The following XKR6 variants were observed in gnomAD, a reference collection of about 807,000 sequenced individuals.
The protein encoded by XKR6 is XK related 6, also known as XK-related protein 6.
XKR6 carries 22 observed loss-of-function variants against 56.7 expected under a neutral mutation model. The ratio of observed to expected loss-of-function variants is 0.39; its 90% CI spans 0.28 to 0.55. The LOEUF is 0.55. XKR6 is among the 20% of genes least tolerant of loss of function. The pLI is 0.66. For synonymous variants in XKR6, 524 were observed against 387.8 expected (o/e 1.35, Z -4.13); for missense variants, 852 against 889.0 (o/e 0.96, Z 0.53).
At chr8:11,101,297 C>A (rs1287330032) in intron 1 of XKR6, among the ~76,000 whole-genome samples, 2 of 152,122 alleles carry the variant, frequency 1.3e-5, no homozygotes, top group African/African-American at 4.8e-5. Flanking sequence ...GGACTTCCAG[C>A]AAGAGGGAGC....
At chr8:11,191,748 T>C (rs1585039305) in intron 1 of XKR6, among the ~76,000 whole-genome samples, 1 of 143,720 alleles carries the variant, frequency 7.0e-6, no homozygotes, top group Non-Finnish European at 1.5e-5. Flanking sequence ...GAAACAGCAA[T>C]ATAATTCATA....
chr8:10,981,947 T>C (rs1200138700), intron 1 of XKR6, among the ~76,000 whole-genome samples: 1 of 152,236 alleles, frequency 6.6e-6, no homozygotes, highest in Admixed American at 6.5e-5. Context: ...ATTAAGGCTA[T>C]TCACAATTCC....
At chr8:10,992,873 A>C (rs1798024564) in intron 1 of XKR6, among the ~76,000 whole-genome samples, 1 of 152,186 alleles carries the variant, frequency 6.6e-6, no homozygotes, top group South Asian at 2.1e-4. Flanking sequence ...CCATGATCTC[A>C]CGAAGTTCCC....
intron 1 of XKR6, among the ~76,000 whole-genome samples, chr8:10,999,190 G>A (rs1159551293): frequency 6.6e-6 from 1 of 152,176 alleles, no homozygotes; most frequent in East Asian, 1.9e-4. Context: ...GTGTGTGAAG[G>A]GCTCAATCGT....
intron 1 of XKR6, among the ~76,000 whole-genome samples, chr8:11,142,350 G>T (rs991962771): frequency 6.6e-6 from 1 of 152,160 alleles, no homozygotes; most frequent in Non-Finnish European, 1.5e-5. Flanking sequence ...GGCTTGTAAG[G>T]TCTGATCAAA....
Position 11,175,459 on chromosome 8 carries a change from G to A in XKR6, c.764+25117C>T, listed in dbSNP as rs575597623. On this transcript the variant is annotated intron_variant, in intron 1 of 2. Coordinates refer to ENST00000416569, the MANE Select transcript of XKR6 (RefSeq NM_173683.4). Reference sequence around the variant, plus strand: ...ACGTGGGCTCTCCCAGCCACATCGAGATGATTCTTACTGAAAAGGAACAAA... The same window carrying A: ...ACGTGGGCTCTCCCAGCCACATCGAAATGATTCTTACTGAAAAGGAACAAA... 16 of 161,182 alleles carry A rather than the reference G, an allele frequency of 9.9e-5. No individual in the cohort carries two copies. In the South Asian group the frequency reaches 2.8e-3, roughly 28 times the overall value. The allele number at this position is 161,182 out of a possible 1,614,324, so 10.0% of individuals were successfully genotyped here.
At chr8:11,082,728 C>T (rs1797765035) in intron 1 of XKR6, among the ~76,000 whole-genome samples, 1 of 152,186 alleles carries the variant, frequency 6.6e-6, no homozygotes, top group Non-Finnish European at 1.5e-5. Context: ...TTAACTGGGA[C>T]ACAGCTCAGG....
Position 11,201,303 on chromosome 8 carries a change from C to T in XKR6, c.37G>A (p.Gly13Ser), listed in dbSNP as rs762170034. The change falls in exon 1 of 3, where the codon GGC becomes AGC. Residue 13 changes from glycine to serine, a missense_variant. Coordinates refer to ENST00000416569, the MANE Select transcript of XKR6 (RefSeq NM_173683.4). ...TCCAGGTTGTGCAGCTGAGCGAAGC[C>T]CACCCCCACGCCACCGCCATCGGAT... ...AKSDGGGVGV[G>S]FAQLHNLDEA... 6.3e-7 allele frequency: 1 copy of T among 1,581,766 alleles called. No individual in the cohort carries two copies. Among genetic ancestry groups the T allele is most frequent in the Non-Finnish European group, 8.5e-7 (1 of 1,173,768 alleles).
chr8:11,044,924 C>G (rs1159514027), intron 1 of XKR6, among the ~76,000 whole-genome samples: 1 of 151,956 alleles, frequency 6.6e-6, no homozygotes, highest in African/African-American at 2.4e-5. Context: ...AGCCAATTTT[C>G]TCATTTTACA....
chr8:11,122,742 A>G (rs1396436667), intron 1 of XKR6, among the ~76,000 whole-genome samples: 1 of 152,184 alleles, frequency 6.6e-6, no homozygotes, highest in Non-Finnish European at 1.5e-5. Flanking sequence ...TCAATCTGTT[A>G]GCATCTCATT....
At chr8:10,949,595 T>G (rs4841463) in intron 1 of XKR6, among the ~76,000 whole-genome samples, 13,087 of 152,242 alleles carry the variant, frequency 0.086, 617 homozygotes, top group Middle Eastern at 0.15. Context: ...GCTAGCGGGG[T>G]ACACCGTTAG....
At position 11,200,911 on chromosome 8, in the gene XKR6, C is replaced by G; in HGVS notation, c.429G>C (p.Val143=). 1.9e-6 allele frequency: 3 copies of G among 1,609,462 alleles called. No homozygotes were observed. Among genetic ancestry groups the G allele is most frequent in the South Asian group, 1.1e-5 (1 of 90,946 alleles). Residue 143 remains valine (V), a synonymous_variant, in exon 1 of 3, where the codon GTG becomes GTC. Transcript: ENST00000416569. This position sits in a 1 kb window ranked among gnomAD's most constrained non-coding sequence, Gnocchi z 6.4. Reference sequence around the variant, plus strand: ...CGAGGGCCAGCCACAGGTCGGTGCCCACGTCCCCGAAGAACACCAGCAGCG... The same window carrying G: ...CGAGGGCCAGCCACAGGTCGGTGCCGACGTCCCCGAAGAACACCAGCAGCG... ...VLALLVFFGD[V]GTDLWLALDY... is the part of the protein sequence containing the mutation.
intron 1 of XKR6, among the ~76,000 whole-genome samples, chr8:11,151,903 C>T (rs13256743): frequency 0.22 from 33,546 of 151,874 alleles, 4,497 homozygotes; most frequent in Non-Finnish European, 0.3. Context: ...TGGGATCATT[C>T]TTAGTACTTG....
chr8:11,043,756 G>A (rs1799342250), intron 1 of XKR6, among the ~76,000 whole-genome samples: 1 of 152,238 alleles, frequency 6.6e-6, no homozygotes, highest in Non-Finnish European at 1.5e-5. Context: ...ACAGGAGGTT[G>A]GATGCACCTC....
intron 2 of XKR6, among the ~76,000 whole-genome samples, chr8:10,922,353 A>C (rs1800746828): frequency 6.6e-6 from 1 of 152,180 alleles, no homozygotes; most frequent in Non-Finnish European, 1.5e-5. Context: ...CTGGGATCTG[A>C]GGGCAGGTTG....
At position 11,017,574 on chromosome 8, in the gene XKR6, C is replaced by T. The variant is rs542226160; in HGVS notation, c.765-92744G>A. ...AGCTGCCTGTGGCTGGGTTCCGGCA[C>T]TCAGAGACCCTGGGCCTGCTCGAGA... On this transcript the variant is annotated intron_variant, in intron 1 of 2. Transcript: ENST00000416569. 1.7e-4 allele frequency among the ~76,000 whole-genome samples: 26 copies of T among 152,350 alleles called. No homozygotes were observed. The South Asian group carries it at 5.2e-3, about 30-fold the overall frequency.
chr8:10,983,897 C>T (rs893207063), intron 1 of XKR6, among the ~76,000 whole-genome samples: 4 of 152,038 alleles, frequency 2.6e-5, no homozygotes, highest in Non-Finnish European at 4.4e-5. Flanking sequence ...CCTCGTGATT[C>T]GCCTGCCTTG....
chr8:10,975,965 GA>G (rs1802542978), intron 1 of XKR6, among the ~76,000 whole-genome samples: 1 of 152,182 alleles, frequency 6.6e-6, no homozygotes, highest in Non-Finnish European at 1.5e-5. Context: ...ACGAGATCAG[GA>G]GATCGAGACC....
intron 1 of XKR6, among the ~76,000 whole-genome samples, chr8:11,145,286 T>C (rs1419900202): frequency 1.3e-5 from 2 of 152,144 alleles, no homozygotes; most frequent in South Asian, 2.1e-4. Flanking sequence ...AAAACACTTC[T>C]GGTTCCAAAT....
Sources: allele counts gnomAD v4.1 joint callset (sites outside exome capture counted in the v4.1 genomes callset), GRCh38; gene constraint gnomAD v4.1.1; non-coding constraint Gnocchi (gnomAD v3.1); transcripts MANE v1.5; gene names NCBI Gene and HGNC (gene_info 2026-07-23, HGNC 2026-07-21).